Variants in COLEC10 observed in about 807,000 individuals in gnomAD.
The protein encoded by COLEC10 is collectin subfamily member 10, also known as collectin-10.
COLEC10 carries 22 observed loss-of-function variants against 28.4 expected under a neutral mutation model. That is an observed-to-expected ratio of 0.78 (90% CI 0.55 to 1.11). The LOEUF (loss-of-function observed/expected upper bound fraction) is 1.11, where lower values mean the gene tolerates loss of function less well. Ranked by LOEUF, COLEC10 falls within the 50% of genes least tolerant of loss-of-function variation. The pLI is 0.00. For synonymous variants in COLEC10, 125 were observed against 116.1 expected, an observed-to-expected ratio of 1.08 and a Z score of -0.49; for missense variants, 361 against 344.1, an observed-to-expected ratio of 1.05 and a Z score of -0.39.
chr8:119,052,438 C>T (rs1463358703), intron 2 of COLEC10, among the ~76,000 whole-genome samples: 1 of 152,028 alleles, frequency 6.6e-6, no homozygotes, highest in Non-Finnish European at 1.5e-5. Flanking sequence ...ACAACTCCTG[C>T]CATTACCCAA....
At chr8:119,065,703 A>T (rs1455088079), upstream of COLEC10, among the ~76,000 whole-genome samples, 1 of 151,720 alleles carries the variant, frequency 6.6e-6, no homozygotes, top group Non-Finnish European at 1.5e-5. Flanking sequence ...CTAAAAATAC[A>T]AAAAATTAGC....
At chr8:118,961,631 G>A in the COLEC10 span, among the ~76,000 whole-genome samples, 2 of 152,168 alleles carry the variant, frequency 1.3e-5, no homozygotes, top group Admixed American at 6.5e-5. Flanking sequence ...TTTCACTCAG[G>A]CCAGAGGAGC....
At chr8:119,029,436 T>C (rs773133176) in intron 2 of COLEC10, among the ~76,000 whole-genome samples, 1 of 151,998 alleles carries the variant, frequency 6.6e-6, no homozygotes, top group Non-Finnish European at 1.5e-5. Flanking sequence ...TATATGAAAA[T>C]AGGAGATAAT....
At chr8:118,992,295 T>C (rs1229228202), upstream of COLEC10, among the ~76,000 whole-genome samples, 1 of 152,134 alleles carries the variant, frequency 6.6e-6, no homozygotes. Context: ...CTCTTCAGTG[T>C]GAGAAACATC....
At chr8:118,989,235 G>A in the COLEC10 span, among the ~76,000 whole-genome samples, 1 of 152,098 alleles carries the variant, frequency 6.6e-6, no homozygotes, top group South Asian at 2.1e-4. Context: ...GGGCTCATTA[G>A]TAGCGTGGAC....
the COLEC10 span, among the ~76,000 whole-genome samples, chr8:118,985,644 A>T: frequency 2.6e-5 from 4 of 152,148 alleles, no homozygotes; most frequent in African/African-American, 9.6e-5. Context: ...TGGTCCCCAG[A>T]TATAACATAC....
intron 1 of COLEC10, among the ~76,000 whole-genome samples, chr8:119,082,647 G>A (rs1239140387): frequency 6.6e-6 from 1 of 152,220 alleles, no homozygotes; most frequent in East Asian, 1.9e-4. Flanking sequence ...GGGAGAGGAG[G>A]TAGCACATGA....
At chr8:119,038,859 C>G (rs1232089916) in intron 2 of COLEC10, among the ~76,000 whole-genome samples, 2 of 152,146 alleles carry the variant, frequency 1.3e-5, no homozygotes, top group Non-Finnish European at 2.9e-5. Flanking sequence ...TAATGCCTCT[C>G]TCTTCCCTTC....
intron 3 of COLEC10, among the ~76,000 whole-genome samples, 165 bp downstream of exon 3, chr8:119,091,385 C>CA (rs33915063): frequency 2.0e-3 from 280 of 137,490 alleles, no homozygotes; most frequent in South Asian, 7.0e-3. Flanking sequence ...CAATCTCTAC[C>CA]AAAAAAAAAA....
chr8:119,001,702 C>T (rs1011062756), intron 1 of COLEC10, among the ~76,000 whole-genome samples: 7 of 101,366 alleles, frequency 6.9e-5, no homozygotes, highest in Admixed American at 2.9e-4. Context: ...CCAGCCAAAA[C>T]AGTAAAACAA....
the COLEC10 span, among the ~76,000 whole-genome samples, chr8:118,985,078 G>T: frequency 1.3e-5 from 2 of 151,976 alleles, no homozygotes; most frequent in Admixed American, 6.6e-5. Flanking sequence ...GGGTGGGGGG[G>T]ACACAGAGCC....
At chr8:119,031,147 T>G (rs1055676357) in intron 2 of COLEC10, among the ~76,000 whole-genome samples, 2 of 152,218 alleles carry the variant, frequency 1.3e-5, no homozygotes, top group African/African-American at 4.8e-5. Context: ...CATGGAGCTT[T>G]CTACAAAGTT....
chr8:119,045,728 C>A lies in COLEC10; in HGVS notation n.235+36175C>A, dbSNP rs1270153593. ...TAGTAAGCAGATGTGATATTTTATACCTTAAAATTCAAAACTTTTTTTCTC... is the reference window on the plus strand; with the variant it reads ...TAGTAAGCAGATGTGATATTTTATAACTTAAAATTCAAAACTTTTTTTCTC... On this transcript the variant is annotated intron_variant and non_coding_transcript_variant, in intron 2 of 6. Coordinates refer to the COLEC10 transcript ENST00000521788. 2.0e-5 allele frequency among the ~76,000 whole-genome samples: 3 copies of A among 152,246 alleles called. No individual in the cohort carries two copies. In the South Asian group the frequency reaches 6.2e-4, roughly 32 times the overall value.
intron 3 of COLEC10, among the ~76,000 whole-genome samples, chr8:119,091,671 A>G (rs1262898814): frequency 6.6e-6 from 1 of 152,076 alleles, no homozygotes; most frequent in Non-Finnish European, 1.5e-5. Context: ...AAGGTTTTGT[A>G]TCATGAAAAT....
chr8:119,030,074 G>A (rs1814260850), intron 2 of COLEC10, among the ~76,000 whole-genome samples: 1 of 152,154 alleles, frequency 6.6e-6, no homozygotes, highest in Admixed American at 6.5e-5. Context: ...TTAGTTGCCT[G>A]GAGCCACATA....
intron 1 of COLEC10, among the ~76,000 whole-genome samples, chr8:119,075,385 A>G: frequency 6.6e-6 from 1 of 152,228 alleles, no homozygotes; most frequent in South Asian, 2.1e-4. Flanking sequence ...ATTATATTTT[A>G]TAGCTTTCTC....
intron 2 of COLEC10, among the ~76,000 whole-genome samples, chr8:119,047,765 TATA>T (rs1814610268): frequency 7.9e-6 from 1 of 126,702 alleles, no homozygotes; most frequent in African/African-American, 3.6e-5. Flanking sequence ...CTGAGAGAAT[TATA>T]AGAAAAACAG....
chr8:119,091,155 A>G lies in COLEC10; in HGVS notation c.227A>G (p.Lys76Arg), dbSNP rs751757325. The G allele has an allele frequency of 6.8e-6, 11 of 1,612,788 alleles. No individual in the cohort carries two copies. Residue 76 changes from lysine (K) to arginine (R), a missense_variant, in exon 3 of 6, where the codon AAA (lysine) becomes AGA (arginine). By Grantham distance (26) the Lys-to-Arg change is conservative. This residue lies in a region of COLEC10 where 335 missense variants were observed against 308.5 expected (regional missense o/e 1.09). Transcript: ENST00000332843. ...KVGRMGPKGI[K>R]GELGDMGDQG... The stretch of plus-strand genomic sequence containing the variant: ...TAACATGTTTGCTTTTCAGGAATTA[A>G]AGGAGAACTGGGTGATATGGGAGAT...
chr8:119,023,118 G>A (rs1020773171), intron 2 of COLEC10, among the ~76,000 whole-genome samples: 1 of 152,036 alleles, frequency 6.6e-6, no homozygotes, highest in Non-Finnish European at 1.5e-5. Flanking sequence ...GCTTACGCTG[G>A]CCACTGTATT....
Sources: allele counts gnomAD v4.1 joint callset (sites outside exome capture counted in the v4.1 genomes callset), GRCh38; gene constraint gnomAD v4.1.1; regional missense constraint gnomAD v4.1.1; transcripts MANE v1.5; gene names NCBI Gene and HGNC (gene_info 2026-07-23, HGNC 2026-07-21).